The following PCDHGA9 variants were observed in gnomAD, a reference collection of about 807,000 sequenced individuals.
PCDHGA9 encodes protocadherin gamma-A9.
Under a neutral mutation model 62.5 loss-of-function variants are expected in PCDHGA9, and 37 were observed. That is an observed-to-expected ratio of 0.59 (90% CI 0.46 to 0.78). PCDHGA9 has a LOEUF of 0.78. Among genes scored for constraint, PCDHGA9 ranks in the 30% least tolerant of loss-of-function variants. The pLI is 0.00. For missense variants in PCDHGA9, 1,138 were observed against 1,166.2 expected, an observed-to-expected ratio of 0.98 and a Z score of 0.35; for synonymous variants, 459 against 484.6, an observed-to-expected ratio of 0.95 and a Z score of 0.69.
At chr5:141,481,999 C>T (rs958678555) in intron 1 of PCDHGA9, among the ~76,000 whole-genome samples, 7 of 149,942 alleles carry the variant, frequency 4.7e-5, no homozygotes, top group Admixed American at 2.0e-4. Flanking sequence ...GCAGGAGAAT[C>T]GCTTTATCTC....
intron 1 of PCDHGA9, chr5:141,409,901 C>G: frequency 6.2e-7 from 1 of 1,613,264 alleles, no homozygotes; most frequent in Non-Finnish European, 8.5e-7. Context: ...GTACCCAGCT[C>G]TGGGTCCTGA....
chr5:141,485,408 T>G lies in PCDHGA9; in HGVS notation c.2425-9399T>G. On this transcript the variant is annotated intron_variant, in intron 1 of 3. Transcript: ENST00000573521. The surrounding 1 kb of genome is among the most constrained non-coding windows in gnomAD (Gnocchi z 5.7). ...GAACCAAAGACACTTCCGTGTGGAT[T>G]TGGACAGCGGAGCCCTGCTCATCAA... 1 of 1,614,112 alleles carries G rather than the reference T, an allele frequency of 6.2e-7. No individual in the cohort carries two copies. The highest frequency in any genetic ancestry group is 8.5e-7 in the Non-Finnish European group (1 of 1,180,034).
intron 1 of PCDHGA9, among the ~76,000 whole-genome samples, chr5:141,434,902 C>T (rs1591355042): frequency 6.6e-6 from 1 of 151,934 alleles, no homozygotes; most frequent in East Asian, 1.9e-4. Flanking sequence ...CCCCTTCCCT[C>T]ATACCTTATT....
chr5:141,413,910 C>T, intron 1 of PCDHGA9: 1 of 1,613,376 alleles, frequency 6.2e-7, no homozygotes, highest in Non-Finnish European at 8.5e-7. Flanking sequence ...ACGCGCCGGT[C>T]TTCACCTTGC....
chr5:141,478,213 C>A (rs2099439229), intron 1 of PCDHGA9: 1 of 1,614,000 alleles, frequency 6.2e-7, no homozygotes, highest in Non-Finnish European at 8.5e-7. Context: ...TTTCTCTAAT[C>A]CTGGTTTCTG....
intron 1 of PCDHGA9, chr5:141,413,709 C>T (rs998398149): frequency 2.4e-5 from 39 of 1,613,536 alleles, no homozygotes; most frequent in Non-Finnish European, 3.3e-5. Flanking sequence ...AGCTCAGCCC[C>T]AATAAGCACT....
In PCDHGA9 at chr5:141,405,080, A is replaced by T. The variant is rs1382053021; in HGVS notation, c.2128A>T (p.Thr710Ser). 2.5e-6 allele frequency: 4 copies of T among 1,613,560 alleles called. No individual in the cohort carries two copies. In the East Asian group the frequency reaches 6.7e-5, roughly 27 times the overall value. Residue 710 changes from threonine to serine, a missense_variant, in exon 1 of 4, where the codon ACG (threonine) becomes TCG (serine). Coordinates refer to ENST00000573521, the MANE Select transcript of PCDHGA9 (RefSeq NM_018921.3). ...CTGTGTCTTCCTCACCTTCGTTATC[A>T]CGCTGCTGGCCCTCAGGCTGAGGCA... ...VSCVFLTFVI[T>S]LLALRLRHWH...
rs1046764113 is a variant in PCDHGA9, at chr5:141,495,395, G to A, written c.2483+530G>A. Among the ~76,000 whole-genome samples the A allele has an allele frequency of 4.1e-4, 62 of 152,326 alleles. 1 individual carries two copies. The highest frequency in any genetic ancestry group is 1.4e-3 in the African/African-American group (57 of 41,576). On this transcript the variant is annotated intron_variant, in intron 2 of 3. Transcript: ENST00000573521. Reference sequence around the variant, plus strand: ...GAGGAAGGACTGGGCGGGGCATGGAGCAGGCCCCCTTCTCCGGCCCCTCCT... The same window carrying A: ...GAGGAAGGACTGGGCGGGGCATGGAACAGGCCCCCTTCTCCGGCCCCTCCT...
chr5:141,420,980 C>T (rs1463868271), intron 1 of PCDHGA9: 1 of 484,260 alleles, frequency 2.1e-6, no homozygotes, highest in Non-Finnish European at 3.6e-6. Flanking sequence ...AGAATGGGCT[C>T]TAGGCGCCGC....
At chr5:141,478,299 G>A (rs201916687) in intron 1 of PCDHGA9, 1 of 1,614,056 alleles carries the variant, frequency 6.2e-7, no homozygotes, top group Non-Finnish European at 8.5e-7. Flanking sequence ...GACCTATACC[G>A]AGCCCCGGTG....
In PCDHGA9 at chr5:141,430,937, G is replaced by C. The variant is rs888990395; in HGVS notation, c.2424+25561G>C. ...CCTGGGGCTGGAGCCCCGGGAGCTC[G>C]CGGAGCGCGGAGTCCGCATCATCCC... On this transcript the variant is annotated intron_variant, in intron 1 of 3. Coordinates refer to ENST00000573521, the MANE Select transcript of PCDHGA9 (RefSeq NM_018921.3). The C allele has an allele frequency of 8.7e-6, 14 of 1,607,498 alleles. No individual in the cohort carries two copies. The highest frequency in any genetic ancestry group is 1.7e-5 in the Admixed American group (1 of 58,732).
intron 1 of PCDHGA9, among the ~76,000 whole-genome samples, chr5:141,463,438 CTTTTTTTTTTTTTTTT>C (rs71576115): frequency 1.9e-5 from 2 of 103,256 alleles, no homozygotes; most frequent in African/African-American, 4.5e-5. Context: ...TTTCCTTCTC[CTTTTTTTTTTTTTTTT>C]TTTTTTTTTT....
chr5:141,431,776 C>T lies in PCDHGA9; in HGVS notation c.2424+26400C>T. 6.2e-7 allele frequency: 1 copy of T among 1,614,228 alleles called. No individual in the cohort carries two copies. The stretch of plus-strand genomic sequence containing the variant: ...CCAAAGTCCTGATCACTGTTCTGGA[C>T]GTGAACGACAATGCCCCAGAAGTGG... On this transcript the variant is annotated intron_variant, in intron 1 of 3. Coordinates refer to ENST00000573521, the MANE Select transcript of PCDHGA9 (RefSeq NM_018921.3). The surrounding 1 kb of genome is among the most constrained non-coding windows in gnomAD (Gnocchi z 4.8).
intron 1 of PCDHGA9, chr5:141,430,848 A>G (rs780445178): frequency 1.3e-6 from 2 of 1,581,028 alleles, no homozygotes; most frequent in Admixed American, 1.8e-5. Flanking sequence ...GGATGCACCC[A>G]GATACGCTAT....
At chr5:141,473,102 C>T (rs1465515592) in intron 1 of PCDHGA9, among the ~76,000 whole-genome samples, 1 of 152,054 alleles carries the variant, frequency 6.6e-6, no homozygotes, top group Non-Finnish European at 1.5e-5. Flanking sequence ...AGTTGTATTA[C>T]CACACTTTAC....
chr5:141,428,077 A>G (rs2097107152), intron 1 of PCDHGA9: 4 of 1,609,206 alleles, frequency 2.5e-6, no homozygotes, highest in South Asian at 1.1e-5. Flanking sequence ...GATTCGGGAC[A>G]CAACGCTTGG....
chr5:141,404,072 C>T lies in PCDHGA9; in HGVS notation c.1120C>T (p.Arg374Ter), dbSNP rs779657331. Residue 374 changes from arginine (R) to a stop codon, truncating the protein, a stop_gained, in exon 1 of 4, where the codon CGA (arginine) becomes TGA (stop). Coordinates refer to ENST00000573521, the MANE Select transcript of PCDHGA9 (RefSeq NM_018921.3). LOFTEE classifies it high-confidence loss of function. ...TVILLFNAHDRDSGKNGQVVC... is the reference protein window; with the variant it reads ...TVILLFNAHD The stretch of plus-strand genomic sequence containing the variant: ...AATTCTTCTTTTCAATGCTCATGAC[C>T]GAGACTCCGGGAAGAATGGTCAAGT... The T allele has an allele frequency of 6.2e-7, 1 of 1,613,626 alleles. No homozygotes were observed. Among genetic ancestry groups the T allele is most frequent in the Non-Finnish European group, 8.5e-7 (1 of 1,179,640 alleles).
Position 141,414,566 on chromosome 5 carries a change from A to G in PCDHGA9, c.2424+9190A>G, listed in dbSNP as rs375828619. The stretch of plus-strand genomic sequence containing the variant: ...TTCTCTCAAGTCTCCTACTTTACCT[A>G]TATCCCAGAGAACAACGCCAGGGGT... On this transcript the variant is annotated intron_variant, in intron 1 of 3. Coordinates refer to ENST00000573521, the MANE Select transcript of PCDHGA9 (RefSeq NM_018921.3). The G allele has an allele frequency of 6.6e-5, 106 of 1,613,800 alleles. No homozygotes were observed. Among genetic ancestry groups the G allele is most frequent in the Non-Finnish European group, 8.4e-5 (99 of 1,179,878 alleles).
chr5:141,416,504 C>CA (rs1467352050), intron 1 of PCDHGA9: 4 of 152,040 alleles, frequency 2.6e-5, no homozygotes, highest in African/African-American at 9.7e-5. Context: ...AGATATATGA[C>CA]AAAGCTATTT....
Sources: gnomAD v4.1 joint callset for allele counts (sites outside exome capture counted in the v4.1 genomes callset) on GRCh38, gnomAD v4.1.1 for gene constraint, Gnocchi (gnomAD v3.1) non-coding constraint, MANE v1.5 for transcripts, NCBI Gene and HGNC (gene_info 2026-07-23, HGNC 2026-07-21) for gene names.